The following ADAM9 variants were observed in gnomAD, a reference collection of about 807,000 sequenced individuals.
ADAM9 encodes disintegrin and metalloproteinase domain-containing protein 9.
A neutral mutation model predicts 108.1 loss-of-function variants in ADAM9; 54 were observed. The observed-to-expected ratio is 0.50, with a 90% CI of 0.40 to 0.63. The LOEUF (loss-of-function observed/expected upper bound fraction) is 0.63. ADAM9 is among the 20% of genes least tolerant of loss of function. The pLI is 0.00. For synonymous variants in ADAM9, 316 were observed against 336.0 expected, an observed-to-expected ratio of 0.94 and a Z score of 0.65; for missense variants, 830 against 997.7, an observed-to-expected ratio of 0.83 and a Z score of 2.26.
chr8:39,058,457 T>G (rs1476726560), intron 14 of ADAM9, among the ~76,000 whole-genome samples: 2 of 152,130 alleles, frequency 1.3e-5, no homozygotes, highest in East Asian at 3.8e-4. Flanking sequence ...CTTCCTAGAT[T>G]GGGTTGTTAA....
At chr8:39,054,421 A>G in intron 12 of ADAM9, 60 bp from the exon 13 acceptor site, 6 of 1,419,198 alleles carry the variant, frequency 4.2e-6, no homozygotes, top group South Asian at 1.2e-5. Flanking sequence ...TGAGAATTTT[A>G]TTAATGAGTA....
At chr8:39,066,561 T>C (rs1359351666) in intron 14 of ADAM9, among the ~76,000 whole-genome samples, 1 of 152,254 alleles carries the variant, frequency 6.6e-6, no homozygotes, top group Non-Finnish European at 1.5e-5. Context: ...TTTTGAGAAA[T>C]GTCTGTTCAT....
rs35517175 is a variant in ADAM9, at chr8:39,002,312, C to CTTTTTTTT, written c.97+5169_97+5176dup. On this transcript the variant is annotated intron_variant, in intron 1 of 21. Transcript: ENST00000487273. ...GTTTGCTTTGCAATTAGGTAGAATT[C>CTTTTTTTT]TTTTTTTTTTTTTTTTTTTTTTTTG... Among the ~76,000 whole-genome samples, 7 of 71,480 alleles carry CTTTTTTTT rather than the reference C, an allele frequency of 9.8e-5. 1 individual carries two copies. Among genetic ancestry groups the CTTTTTTTT allele is most frequent in the East Asian group, 8.9e-4 (2 of 2,240 alleles). The allele number at this position is 71,480 out of a possible 152,430, so 46.9% of individuals were successfully genotyped here. A position where few individuals can be genotyped will look rare whatever the true frequency, so the allele number is the denominator to read the frequency against.
At chr8:39,002,884 C>A (rs561232374) in intron 1 of ADAM9, among the ~76,000 whole-genome samples, 1 of 152,240 alleles carries the variant, frequency 6.6e-6, no homozygotes, top group African/African-American at 2.4e-5. Flanking sequence ...GTTGCCCAGG[C>A]TGGAGTGCAG....
intron 19 of ADAM9, 35 bp downstream of exon 19, chr8:39,090,223 A>C (rs1157057942): frequency 1.3e-6 from 2 of 1,527,996 alleles, no homozygotes; most frequent in African/African-American, 2.8e-5. Flanking sequence ...TCCTATATTA[A>C]ATATATACAT....
chr8:39,086,710 GA>G lies in ADAM9; in HGVS notation c.2069-3336del, dbSNP rs540614864. ...TTAAATCCTACTTTGTGGGTTATTG[GA>G]TATTTTTGGATTTCTATTGATGAGG... is the stretch of plus-strand genomic sequence containing the variant. On this transcript the variant is annotated intron_variant, in intron 18 of 21. Coordinates refer to ENST00000487273, the MANE Select transcript of ADAM9 (RefSeq NM_003816.3). Among the ~76,000 whole-genome samples the G allele has an allele frequency of 1.2e-4, 19 of 152,196 alleles. No individual in the cohort carries two copies. In the South Asian group the frequency reaches 3.7e-3, roughly 30 times the overall value.
At chr8:39,091,427 C>T in intron 20 of ADAM9, 81 bp downstream of exon 20, 5 of 1,220,040 alleles carry the variant, frequency 4.1e-6, no homozygotes, top group Non-Finnish European at 6.0e-6. Flanking sequence ...AGTTATATAG[C>T]TATAGCTAGA....
chr8:39,011,819 T>A (rs1836364403), intron 3 of ADAM9, 103 bp downstream of exon 3: 1 of 1,110,718 alleles, frequency 9.0e-7, no homozygotes, highest in South Asian at 1.3e-5. Flanking sequence ...AACCCTGGGA[T>A]TAAGCAGATT....
intron 16 of ADAM9, among the ~76,000 whole-genome samples, chr8:39,082,424 A>G (rs1320897640): frequency 6.6e-6 from 1 of 152,090 alleles, no homozygotes; most frequent in Non-Finnish European, 1.5e-5. Flanking sequence ...TTTGGTCTTT[A>G]TGTCATCTTT....
At chr8:39,070,919 C>T (rs1352872467) in intron 14 of ADAM9, among the ~76,000 whole-genome samples, 4 of 152,138 alleles carry the variant, frequency 2.6e-5, no homozygotes, top group Non-Finnish European at 4.4e-5. Context: ...TTCTCCAACC[C>T]TTCCTAGCTG....
At position 39,090,745 on chromosome 8, in the gene ADAM9, C is replaced by A. The variant is rs148165584; in HGVS notation, c.2211-514C>A. 7.9e-5 allele frequency among the ~76,000 whole-genome samples: 12 copies of A among 152,292 alleles called. No individual in the cohort carries two copies. The East Asian group carries it at 1.7e-3, about 22-fold the overall frequency. On this transcript the variant is annotated intron_variant, in intron 19 of 21. Coordinates refer to ENST00000487273, the MANE Select transcript of ADAM9 (RefSeq NM_003816.3). ...TACTTCGTATCATACTTCCAACTGA[C>A]CAGTCTATGCAAATAACTCCCCCAT... is the stretch of plus-strand genomic sequence containing the variant.
chr8:39,064,702 C>T (rs79206845), intron 14 of ADAM9, among the ~76,000 whole-genome samples: 4,641 of 152,254 alleles, frequency 0.03, 100 homozygotes, highest in Non-Finnish European at 0.047. Flanking sequence ...TTGTTTATTT[C>T]CTCCTTTCAT....
intron 4 of ADAM9, 25 bp from the exon 5 acceptor site, chr8:39,016,093 A>G: frequency 6.3e-7 from 1 of 1,596,176 alleles, no homozygotes; most frequent in Non-Finnish European, 8.6e-7. Flanking sequence ...CAATATTTGA[A>G]GATAATACAG....
intron 11 of ADAM9, 73 bp downstream of exon 11, chr8:39,026,883 C>G (rs946271405): frequency 1.3e-6 from 2 of 1,570,574 alleles, no homozygotes; most frequent in Non-Finnish European, 1.7e-6. Context: ...GAGGGATATT[C>G]ATGTCTACAT....
intron 12 of ADAM9, among the ~76,000 whole-genome samples, chr8:39,045,158 ACATACATATAT>A (rs1837637287): frequency 1.7e-5 from 2 of 115,450 alleles, no homozygotes; most frequent in African/African-American, 5.9e-5. Flanking sequence ...ATATGTGTAT[ACATACATATAT>A]GTGTATATAT....
chr8:39,000,227 C>CGT (rs1835953411), intron 1 of ADAM9, among the ~76,000 whole-genome samples: 1 of 152,030 alleles, frequency 6.6e-6, no homozygotes, highest in Admixed American at 6.6e-5. Flanking sequence ...CTCCTGACCT[C>CGT]GTGATCCGCC....
At chr8:38,998,396 ATTT>A (rs34340783) in intron 1 of ADAM9, among the ~76,000 whole-genome samples, 1 of 151,668 alleles carries the variant, frequency 6.6e-6, no homozygotes, top group Non-Finnish European at 1.5e-5. Context: ...TTAATCTGTG[ATTT>A]TTTTTTGTGT....
chr8:39,084,430 A>G (rs550456153), intron 18 of ADAM9, among the ~76,000 whole-genome samples: 117 of 151,726 alleles, frequency 7.7e-4, no homozygotes, highest in African/African-American at 2.8e-3. Flanking sequence ...TTCAGTTCTG[A>G]ATACCTTCTA....
At chr8:39,100,208 G>A (rs938834634) in intron 20 of ADAM9, among the ~76,000 whole-genome samples, 48 of 152,024 alleles carry the variant, frequency 3.2e-4, no homozygotes, top group African/African-American at 1.1e-3. Flanking sequence ...AGATTCAGTC[G>A]GCTGGGCGCG....
Sources: gnomAD v4.1 joint callset for allele counts (sites outside exome capture counted in the v4.1 genomes callset) on GRCh38, gnomAD v4.1.1 for gene constraint, MANE v1.5 for transcripts, NCBI Gene and HGNC (gene_info 2026-07-23, HGNC 2026-07-21) for gene names.